The following ATG13 variants were observed in gnomAD, a reference collection of about 807,000 sequenced individuals.
ATG13 encodes autophagy related 13.
A neutral mutation model predicts 65.5 loss-of-function variants in ATG13; 23 were observed. The ratio of observed to expected loss-of-function variants is 0.35; its 90% CI spans 0.25 to 0.50. ATG13 has a LOEUF of 0.50. ATG13 is among the 20% of genes least tolerant of loss of function. The pLI is 0.98. For missense variants in ATG13, 566 were observed against 677.0 expected, an observed-to-expected ratio of 0.84 and a Z score of 1.82; for synonymous variants, 252 against 245.2, an observed-to-expected ratio of 1.03 and a Z score of -0.26.
chr11:46,662,583 T>C (rs141959700), intron 11 of ATG13, among the ~76,000 whole-genome samples: 71 of 152,328 alleles, frequency 4.7e-4, no homozygotes, highest in Non-Finnish European at 5.6e-4. Context: ...CTGCACTCCA[T>C]AAGTGAGCCC....
intron 1 of ATG13, chr11:46,618,484 G>A (rs2046092382): frequency 6.6e-6 from 1 of 152,016 alleles, no homozygotes; most frequent in Non-Finnish European, 1.5e-5. Context: ...TTCACTTTTG[G>A]TATTTCTTCG....
At chr11:46,668,679 C>T (rs1725539177) in intron 16 of ATG13, 103 bp downstream of exon 16, 1 of 1,505,596 alleles carries the variant, frequency 6.6e-7, no homozygotes, top group Non-Finnish European at 9.2e-7. Flanking sequence ...ACCATGGCCC[C>T]TCGGCTTACG....
intron 10 of ATG13, among the ~76,000 whole-genome samples, chr11:46,658,977 C>T (rs1055424288): frequency 2.0e-5 from 3 of 152,122 alleles, no homozygotes; most frequent in African/African-American, 7.2e-5. Flanking sequence ...ATTGCTTGAG[C>T]TTAGGAATTC....
At chr11:46,657,667 A>G in intron 10 of ATG13, 45 bp downstream of exon 10, 1 of 1,484,390 alleles carries the variant, frequency 6.7e-7, no homozygotes, top group Non-Finnish European at 9.2e-7. Context: ...AGCTGGGCAG[A>G]AGCATCCATC....
At position 46,665,412 on chromosome 11, in the gene ATG13, A is replaced by C. The variant is rs758044650; in HGVS notation, c.1029A>C (p.Val343=). 1.8e-5 allele frequency: 29 copies of C among 1,613,882 alleles called. No homozygotes were observed. The highest frequency in any genetic ancestry group is 1.0e-5 in the Non-Finnish European group (12 of 1,179,964). ...TGGTTCCTGGGAAGGAAGGTGGGGT[A>C]CCCCTTGCTCCCAACCAGCCTGTCC... ...QLMVPGKEGG[V]PLAPNQPVHG... The change falls in exon 14 of 19, where the codon GTA becomes GTC. Residue 343 remains valine, a synonymous_variant. Coordinates refer to ENST00000683050, the MANE Select transcript of ATG13 (RefSeq NM_001346311.2).
chr11:46,646,942 T>C (rs1464069383), intron 5 of ATG13, among the ~76,000 whole-genome samples: 1 of 152,060 alleles, frequency 6.6e-6, no homozygotes, highest in Non-Finnish European at 1.5e-5. Flanking sequence ...GTATTTTTTG[T>C]AGAGATGGGG....
intron 2 of ATG13, among the ~76,000 whole-genome samples, chr11:46,639,265 CG>C (rs1390403341): frequency 2.0e-5 from 3 of 152,160 alleles, no homozygotes; most frequent in Non-Finnish European, 4.4e-5. Flanking sequence ...GGATTATAGG[CG>C]TGAGCCACCA....
At chr11:46,645,106 T>C (rs1278023444) in intron 3 of ATG13, among the ~76,000 whole-genome samples, 2 of 152,222 alleles carry the variant, frequency 1.3e-5, no homozygotes, top group African/African-American at 4.8e-5. Flanking sequence ...CAACCTGTAA[T>C]TCCTTTCATT....
chr11:46,640,933 C>G (rs1018687973), intron 2 of ATG13, among the ~76,000 whole-genome samples: 1 of 152,190 alleles, frequency 6.6e-6, no homozygotes, highest in Non-Finnish European at 1.5e-5. Flanking sequence ...GCTAAACATA[C>G]GTACCGTGTA....
chr11:46,659,358 C>G, intron 10 of ATG13, 34 bp from the exon 11 acceptor site: 11 of 1,542,926 alleles, frequency 7.1e-6, no homozygotes, highest in Non-Finnish European at 9.9e-6. Flanking sequence ...CTGCCACCAC[C>G]ATAAAATTCA....
intron 2 of ATG13, among the ~76,000 whole-genome samples, chr11:46,639,635 T>A (rs1367272636): frequency 6.6e-6 from 1 of 152,060 alleles, no homozygotes; most frequent in Non-Finnish European, 1.5e-5. Flanking sequence ...GGAGGAACCC[T>A]CAAATCCGCC....
At chr11:46,622,262 C>T (rs1231348252) in intron 1 of ATG13, among the ~76,000 whole-genome samples, 1 of 151,050 alleles carries the variant, frequency 6.6e-6, no homozygotes, top group Admixed American at 6.6e-5. Flanking sequence ...GGACTACAGG[C>T]GCCCACTACC....
Position 46,656,277 on chromosome 11 carries a change from T to A in ATG13, c.499+4T>A. On this transcript the variant is annotated splice_donor_region_variant and intron_variant, in intron 8 of 18. Coordinates refer to ENST00000683050, the MANE Select transcript of ATG13 (RefSeq NM_001346311.2). ...CAGCTGAGTGGCTTAGGAGAAGGTA[T>A]GTATCAACGGTTGAAAAACATCGTA... 6.2e-7 allele frequency: 1 copy of A among 1,611,082 alleles called. No homozygotes were observed. Among genetic ancestry groups the A allele is most frequent in the Non-Finnish European group, 8.5e-7 (1 of 1,177,294 alleles).
chr11:46,664,719 C>T, intron 12 of ATG13, 130 bp from the exon 13 acceptor site: 1 of 769,446 alleles, frequency 1.3e-6, no homozygotes, highest in Non-Finnish European at 2.2e-6. Flanking sequence ...CGTCAGGCCC[C>T]CTGCACTGTG....
chr11:46,656,903 A>G (rs1338607038), intron 8 of ATG13, 192 bp from the exon 9 acceptor site: 1 of 583,378 alleles, frequency 1.7e-6, no homozygotes, highest in Non-Finnish European at 3.0e-6. Flanking sequence ...GAAGAAACCT[A>G]TATATACACA....
intron 8 of ATG13, 196 bp downstream of exon 8, chr11:46,656,469 G>A: frequency 2.2e-6 from 1 of 461,438 alleles, no homozygotes; most frequent in Non-Finnish European, 3.8e-6. Context: ...TTTTCCCAAA[G>A]TTCCAGGAAC....
At chr11:46,641,784 GT>G (rs1328492123) in intron 2 of ATG13, among the ~76,000 whole-genome samples, 1 of 146,454 alleles carries the variant, frequency 6.8e-6, no homozygotes, top group Non-Finnish European at 1.5e-5. Context: ...TCGTGACAGA[GT>G]TTTTTACTCC....
At position 46,668,785 on chromosome 11, in the gene ATG13, A is replaced by C. The variant is rs1243456219; in HGVS notation, c.1330-9A>C. ...GCATCAGCCCTAATCCTGCCTTGCTATGAAACAGGTGAATCCTCCAGATTC... is the reference window on the plus strand; with the variant it reads ...GCATCAGCCCTAATCCTGCCTTGCTCTGAAACAGGTGAATCCTCCAGATTC... On this transcript the variant is annotated splice_polypyrimidine_tract_variant and intron_variant, in intron 16 of 18. Transcript: ENST00000683050. 6.2e-7 allele frequency: 1 copy of C among 1,604,698 alleles called. No homozygotes were observed. Among genetic ancestry groups the C allele is most frequent in the Admixed American group, 1.7e-5 (1 of 59,978 alleles).
intron 2 of ATG13, among the ~76,000 whole-genome samples, chr11:46,636,109 C>T (rs2053860579): frequency 6.6e-6 from 1 of 151,964 alleles, no homozygotes; most frequent in East Asian, 1.9e-4. Flanking sequence ...GTAGGTAAGT[C>T]ATTTATAGTT....
Sources: allele counts gnomAD v4.1 joint callset (sites outside exome capture counted in the v4.1 genomes callset), GRCh38; gene constraint gnomAD v4.1.1; transcripts MANE v1.5; gene names NCBI Gene and HGNC (gene_info 2026-07-23, HGNC 2026-07-21).